Variants in KCTD1 observed in about 807,000 individuals in gnomAD.
KCTD1 encodes the protein potassium channel tetramerization domain containing 1.
KCTD1 carries 24 observed loss-of-function variants against 66.0 expected under a neutral mutation model. The observed-to-expected ratio is 0.36, with a 90% CI of 0.26 to 0.51. KCTD1 has a LOEUF of 0.51. Among genes scored for constraint, KCTD1 ranks in the 20% least tolerant of loss-of-function variants. The pLI is 0.95. For synonymous variants in KCTD1, 511 were observed against 517.2 expected, an observed-to-expected ratio of 0.99 and a Z score of 0.16; for missense variants, 943 against 1,205.2, an observed-to-expected ratio of 0.78 and a Z score of 3.22.
intron 1 of KCTD1, among the ~76,000 whole-genome samples, chr18:26,571,563 T>C (rs1986106605): frequency 6.6e-6 from 1 of 152,218 alleles, no homozygotes; most frequent in Non-Finnish European, 1.5e-5. Flanking sequence ...CCTAATACAA[T>C]ATAAATGCTA....
chr18:26,514,106 A>G (rs1313504542), intron 1 of KCTD1, among the ~76,000 whole-genome samples: 2 of 152,244 alleles, frequency 1.3e-5, no homozygotes, highest in African/African-American at 4.8e-5. Flanking sequence ...TTAGTCTGAA[A>G]GCAGCTTGAG....
intron 1 of KCTD1, among the ~76,000 whole-genome samples, chr18:26,597,816 A>G (rs1986803304): frequency 6.6e-6 from 1 of 151,934 alleles, no homozygotes; most frequent in South Asian, 2.1e-4. Flanking sequence ...GCCACATCCA[A>G]CTAATTTTTG....
chr18:26,500,261 T>A (rs113627754), intron 2 of KCTD1, among the ~76,000 whole-genome samples: 133 of 134,090 alleles, frequency 9.9e-4, no homozygotes, highest in South Asian at 2.2e-3. Context: ...ACAAAAAATT[T>A]AAAAAAAAAA....
chr18:26,455,606 T>C lies in KCTD1; in HGVS notation c.*137A>G. The C allele has an allele frequency of 1.0e-6, 1 of 965,084 alleles. No individual in the cohort carries two copies. The highest frequency in any genetic ancestry group is 2.4e-5 in the East Asian group (1 of 40,860). The allele number at this position is 965,084 out of a possible 1,614,324, so 59.8% of individuals were successfully genotyped here. On this transcript the variant is annotated 3_prime_UTR_variant, in exon 5 of 5. Transcript: ENST00000580059. ...CCCATATGAATACAGGTGTGGTCTC[T>C]ATTGGATATAAATGTGTCTTTTATT...
chr18:26,609,519 T>C (rs983279952), intron 1 of KCTD1, among the ~76,000 whole-genome samples: 6 of 152,248 alleles, frequency 3.9e-5, no homozygotes, highest in Non-Finnish European at 7.3e-5. Flanking sequence ...AGGATGGAGA[T>C]GACTTGCTGT....
intron 1 of KCTD1, among the ~76,000 whole-genome samples, chr18:26,562,227 C>T (rs567819048): frequency 7.5e-4 from 114 of 152,166 alleles, no homozygotes; most frequent in Non-Finnish European, 1.1e-3. Flanking sequence ...CAAGCCCTGC[C>T]AATTGTGTCT....
At chr18:26,500,766 G>A (rs1461102763) in intron 2 of KCTD1, among the ~76,000 whole-genome samples, 1 of 152,196 alleles carries the variant, frequency 6.6e-6, no homozygotes, top group Non-Finnish European at 1.5e-5. Flanking sequence ...AGGTGTTGGG[G>A]AGAAATCACC....
intron 1 of KCTD1, among the ~76,000 whole-genome samples, chr18:26,597,822 T>A (rs1380851597): frequency 3.3e-5 from 5 of 152,004 alleles, no homozygotes; most frequent in Non-Finnish European, 7.4e-5. Context: ...TCCAACTAAT[T>A]TTTGTATTTT....
At chr18:26,513,931 G>A (rs750981591) in intron 1 of KCTD1, among the ~76,000 whole-genome samples, 3 of 152,224 alleles carry the variant, frequency 2.0e-5, no homozygotes, top group African/African-American at 7.2e-5. Context: ...TGATCGGGAA[G>A]ATTACATTTT....
intron 1 of KCTD1, among the ~76,000 whole-genome samples, chr18:26,520,646 A>C (rs1214823061): frequency 6.6e-6 from 1 of 152,210 alleles, no homozygotes; most frequent in African/African-American, 2.4e-5. Context: ...CCCCAAAATT[A>C]AAAATAACTG....
chr18:26,645,787 C>G (rs1987917889), intron 1 of KCTD1, among the ~76,000 whole-genome samples: 1 of 151,616 alleles, frequency 6.6e-6, no homozygotes, highest in Admixed American at 6.6e-5. Context: ...GTCCCTCGGA[C>G]AGCAGCATCA....
intron 1 of KCTD1, among the ~76,000 whole-genome samples, chr18:26,655,234 T>C (rs1988107833): frequency 6.6e-6 from 1 of 152,214 alleles, no homozygotes; most frequent in South Asian, 2.1e-4. Context: ...ACAGGAGGTC[T>C]CTTAAGGAGT....
intron 1 of KCTD1, among the ~76,000 whole-genome samples, chr18:26,603,136 G>A (rs567157033): frequency 3.3e-5 from 5 of 152,232 alleles, no homozygotes; most frequent in African/African-American, 1.2e-4. Flanking sequence ...ATAGATTAAA[G>A]ACTTAAATGT....
At chr18:26,652,799 G>C (rs1384444401) in intron 1 of KCTD1, among the ~76,000 whole-genome samples, 1 of 152,198 alleles carries the variant, frequency 6.6e-6, no homozygotes, top group Admixed American at 6.5e-5. Flanking sequence ...CACCGGATGT[G>C]AATGAGGCTT....
At chr18:26,542,630 C>T (rs376469977) in intron 1 of KCTD1, among the ~76,000 whole-genome samples, 77 of 152,226 alleles carry the variant, frequency 5.1e-4, no homozygotes, top group African/African-American at 1.6e-3. Context: ...TAGTGGTCCT[C>T]GGAAAACAAA....
intron 1 of KCTD1, among the ~76,000 whole-genome samples, chr18:26,585,947 C>A (rs1986462705): frequency 6.6e-6 from 1 of 152,176 alleles, no homozygotes; most frequent in African/African-American, 2.4e-5. Context: ...AGCTACCTGG[C>A]AGGCTTGAAC....
chr18:26,632,593 T>C (rs759903425), upstream of KCTD1, among the ~76,000 whole-genome samples: 1 of 152,092 alleles, frequency 6.6e-6, no homozygotes, highest in African/African-American at 2.4e-5. Context: ...TTTAAAAAAA[T>C]TAGAATTAGT....
intron 4 of KCTD1, chr18:26,456,223 G>A (rs1419419776): frequency 4.5e-6 from 1 of 224,640 alleles, no homozygotes; most frequent in Admixed American, 5.6e-5. Context: ...ACTCAGGTCT[G>A]TTTGGCCTCA....
At chr18:26,537,553 A>G (rs1984765687) in intron 1 of KCTD1, among the ~76,000 whole-genome samples, 1 of 152,236 alleles carries the variant, frequency 6.6e-6, no homozygotes, top group Non-Finnish European at 1.5e-5. Flanking sequence ...TTTCAACCGT[A>G]TATTAGTACA....
Sources: gnomAD v4.1 joint callset for allele counts (sites outside exome capture counted in the v4.1 genomes callset) on GRCh38, gnomAD v4.1.1 for gene constraint, MANE v1.5 for transcripts, NCBI Gene and HGNC (gene_info 2026-07-23, HGNC 2026-07-21) for gene names.